NF1: variants seen among roughly 807,000 people sequenced by gnomAD.
NF1 encodes the protein neurofibromin 1, also known as neurofibromin.
NF1 carries 122 observed loss-of-function variants against 325.7 expected under a neutral mutation model. The ratio of observed to expected loss-of-function variants is 0.37; its 90% CI spans 0.32 to 0.44. NF1 has a LOEUF of 0.44. Among genes scored for constraint, NF1 ranks in the 20% least tolerant of loss-of-function variants. The pLI is 1.00. For synonymous variants in NF1, 1,091 were observed against 1,186.0 expected (o/e 0.92, Z 1.65); for missense variants, 2,140 against 3,415.4 (o/e 0.63, Z 9.31).
At chr17:31,337,632 A>T (rs2069710860) in intron 43 of NF1, 50 bp downstream of exon 43, 7 of 1,529,424 alleles carry the variant, frequency 4.6e-6, no homozygotes, top group Non-Finnish European at 6.3e-6. Context: ...TTTTTTAAAA[A>T]TATGTTAATA....
chr17:31,257,253 G>C (rs1567861460), intron 31 of NF1, among the ~76,000 whole-genome samples: 1 of 152,142 alleles, frequency 6.6e-6, no homozygotes, highest in East Asian at 1.9e-4. Context: ...TGACATCACA[G>C]AATATTGAGT....
At chr17:31,356,800 A>T in intron 52 of NF1, 160 bp from the exon 53 acceptor site, 1 of 1,255,366 alleles carries the variant, frequency 8.0e-7, no homozygotes, top group Non-Finnish European at 1.1e-6. Flanking sequence ...ATAGGTAGCC[A>T]AAACTTTTGT....
At chr17:31,274,860 A>T (rs1371722052) in intron 36 of NF1, among the ~76,000 whole-genome samples, 4 of 152,080 alleles carry the variant, frequency 2.6e-5, no homozygotes, top group African/African-American at 9.7e-5. Flanking sequence ...TGCTTCAAAC[A>T]CCTCAGTCTC....
intron 1 of NF1, among the ~76,000 whole-genome samples, chr17:31,130,765 T>C (rs1335950285): frequency 6.6e-6 from 1 of 152,092 alleles, no homozygotes; most frequent in Non-Finnish European, 1.5e-5. Flanking sequence ...CACGCATGTG[T>C]GCTGGCGGGG....
At chr17:31,267,653 T>C (rs1481096995) in intron 36 of NF1, among the ~76,000 whole-genome samples, 1 of 152,242 alleles carries the variant, frequency 6.6e-6, no homozygotes, top group East Asian at 1.9e-4. Flanking sequence ...TTTCTGTGGC[T>C]TAGACTACTA....
chr17:31,361,134 T>C (rs1280091441), intron 57 of NF1: 7 of 144,056 alleles, frequency 4.9e-5, no homozygotes, highest in Non-Finnish European at 9.9e-5. Flanking sequence ...ACACAAAATC[T>C]ATTAGGTACC....
intron 8 of NF1, among the ~76,000 whole-genome samples, chr17:31,198,467 C>T (rs938966634): frequency 6.6e-6 from 1 of 152,198 alleles, no homozygotes; most frequent in African/African-American, 2.4e-5. Context: ...TCTATTTCCT[C>T]ATGAGTTAGT....
chr17:31,243,092 G>A (rs528806456), intron 29 of NF1, among the ~76,000 whole-genome samples: 1 of 152,168 alleles, frequency 6.6e-6, no homozygotes, highest in Non-Finnish European at 1.5e-5. Flanking sequence ...ATAAGATCCT[G>A]GAGAATTCCC....
rs561164821 is a variant in NF1, at chr17:31,232,566, T to G, written c.3315-134T>G. ...TTCATAATAAGCCACCCTGGCTGAT[T>G]ATCGCGAGAGAGGAGAGAAACAGTT... is the stretch of plus-strand genomic sequence containing the variant. On this transcript the variant is annotated intron_variant, in intron 25 of 57. Transcript: ENST00000358273. The G allele has an allele frequency of 5.3e-5, 45 of 846,006 alleles. 1 individual carries two copies. In the South Asian group the frequency reaches 6.4e-4, roughly 12 times the overall value. The allele number at this position is 846,006 out of a possible 1,614,324, so 52.4% of individuals were successfully genotyped here. A position where few individuals can be genotyped will look rare whatever the true frequency, so the allele number is the denominator to read the frequency against.
intron 40 of NF1, among the ~76,000 whole-genome samples, 184 bp downstream of exon 40, chr17:31,335,215 GTGC>G (rs1205748808): frequency 1.7e-3 from 140 of 84,082 alleles, no homozygotes; most frequent in African/African-American, 7.4e-3. Flanking sequence ...TAAATGTCTA[GTGC>G]ATGTCTCAGA....
At chr17:31,149,732 A>G (rs1389440217) in intron 1 of NF1, among the ~76,000 whole-genome samples, 2 of 152,148 alleles carry the variant, frequency 1.3e-5, no homozygotes, top group African/African-American at 4.8e-5. Context: ...ATGGGTAGAT[A>G]AGTTGGAGCT....
intron 1 of NF1, among the ~76,000 whole-genome samples, chr17:31,121,543 G>A (rs1037617713): frequency 6.6e-6 from 1 of 151,888 alleles, no homozygotes; most frequent in African/African-American, 2.4e-5. Flanking sequence ...TGGGACTATA[G>A]GCACCCAGCT....
At chr17:31,263,116 T>TA (rs201367625) in intron 35 of NF1, among the ~76,000 whole-genome samples, 105 of 80,096 alleles carry the variant, frequency 1.3e-3, no homozygotes, top group Middle Eastern at 0.01. Context: ...GGTAGATAGA[T>TA]AGATAGATAA....
intron 54 of NF1, 162 bp from the exon 55 acceptor site, chr17:31,358,318 A>G: frequency 1.4e-6 from 1 of 701,840 alleles, no homozygotes; most frequent in Non-Finnish European, 2.4e-6. Context: ...TGTTCATTGT[A>G]GAAAATTTGG....
At chr17:31,248,903 T>A in intron 29 of NF1, 81 bp from the exon 30 acceptor site, 4 of 1,404,000 alleles carry the variant, frequency 2.8e-6, no homozygotes, top group Non-Finnish European at 3.0e-6. Flanking sequence ...TTAATGTCTG[T>A]ATAAGAGTCT....
In NF1 at chr17:31,372,726, T is replaced by G. The variant is rs192712167; in HGVS notation, c.8378-1287T>G. 1.2e-3 allele frequency among the ~76,000 whole-genome samples: 189 copies of G among 152,210 alleles called. 1 individual carries two copies. Among genetic ancestry groups the G allele is most frequent in the African/African-American group, 4.2e-3 (176 of 41,530 alleles). On this transcript the variant is annotated intron_variant, in intron 57 of 57. Transcript: ENST00000358273. ...GTTACTGCTTAGATTATTTATAATATTAATTGGGGTGGGGTGCAGTGGCTC... is the reference window on the plus strand; with the variant it reads ...GTTACTGCTTAGATTATTTATAATAGTAATTGGGGTGGGGTGCAGTGGCTC...
intron 12 of NF1, among the ~76,000 whole-genome samples, chr17:31,207,613 C>T (rs1429341053): frequency 6.6e-6 from 1 of 151,876 alleles, no homozygotes; most frequent in Admixed American, 6.6e-5. Context: ...TGCAAGGTTA[C>T]CTTTTAGTTG....
intron 36 of NF1, among the ~76,000 whole-genome samples, chr17:31,265,708 A>G (rs1033795045): frequency 1.3e-5 from 2 of 152,202 alleles, no homozygotes; most frequent in Non-Finnish European, 2.9e-5. Flanking sequence ...AAATAAAACT[A>G]TAAGAGCCTA....
chr17:31,247,170 G>T (rs1054532481), intron 29 of NF1, among the ~76,000 whole-genome samples: 10 of 145,304 alleles, frequency 6.9e-5, no homozygotes, highest in Admixed American at 5.5e-4. Context: ...ACTCCAGCCC[G>T]GCAACAGAGC....
Sources: allele counts gnomAD v4.1 joint callset (sites outside exome capture counted in the v4.1 genomes callset), GRCh38; gene constraint gnomAD v4.1.1; transcripts MANE v1.5; gene names NCBI Gene and HGNC (gene_info 2026-07-23, HGNC 2026-07-21).